Variants in NUFIP2 observed in about 807,000 individuals in gnomAD.
NUFIP2 encodes nuclear FMR1 interacting protein 2, also known as FMR1-interacting protein NUFIP2.
A neutral mutation model predicts 56.9 loss-of-function variants in NUFIP2; 6 were observed. That is an observed-to-expected ratio of 0.11 (90% CI 0.06 to 0.21). The LOEUF (loss-of-function observed/expected upper bound fraction) is 0.21, where lower values mean the gene tolerates loss of function less well. Among genes scored for constraint, NUFIP2 ranks in the 10% least tolerant of loss-of-function variants. The pLI, the probability that NUFIP2 is intolerant of heterozygous loss-of-function variation, is 1.00. For missense variants in NUFIP2, 828 were observed against 826.8 expected, an observed-to-expected ratio of 1.00 and a Z score of -0.02; for synonymous variants, 321 against 298.2, an observed-to-expected ratio of 1.08 and a Z score of -0.79.
At position 29,264,668 on chromosome 17, in the gene NUFIP2, A is replaced by G. The variant is rs999893220; in HGVS notation, c.2036-77T>C. 19 of 971,160 alleles carry G rather than the reference A, an allele frequency of 2.0e-5. No individual in the cohort carries two copies. The African/African-American group carries it at 3.1e-4, about 16-fold the overall frequency. 60.2% of individuals were successfully genotyped at this position (971,160 alleles called of 1,614,324 possible). On this transcript the variant is annotated intron_variant, in intron 3 of 3. Coordinates refer to ENST00000225388, the MANE Select transcript of NUFIP2 (RefSeq NM_020772.3). ...CCGTATTCCAATAACAATCCCAAAT[A>G]ACCATCATTTAAACTGACCAATTTT...
chr17:29,287,835 A>G (rs771340262), intron 1 of NUFIP2, 119 bp from the exon 2 acceptor site: 1 of 1,001,040 alleles, frequency 1.0e-6, no homozygotes, highest in Non-Finnish European at 1.4e-6. Flanking sequence ...CTGTAGCTTT[A>G]TATTATTTCA....
At position 29,256,475 on chromosome 17, in the gene NUFIP2, C is replaced by T. The variant is rs1356962519; in HGVS notation, c.*8064G>A. On this transcript the variant is annotated 3_prime_UTR_variant, in exon 4 of 4. Coordinates refer to ENST00000225388, the MANE Select transcript of NUFIP2 (RefSeq NM_020772.3). ...TTAACTGCCACTATCAATGAAGATA[C>T]ATATAGAAGGGTTTTGCTGTGTCCT... The T allele has an allele frequency of 6.6e-6, 1 of 152,112 alleles. No homozygotes were observed. The highest frequency in any genetic ancestry group is 2.4e-5 in the African/African-American group (1 of 41,418). The allele number at this position is 152,112 out of a possible 1,614,324, so 9.4% of individuals were successfully genotyped here. A position where few individuals can be genotyped will look rare whatever the true frequency, so the allele number is the denominator to read the frequency against.
chr17:29,290,799 C>T (rs543729624), intron 1 of NUFIP2, among the ~76,000 whole-genome samples: 1 of 152,006 alleles, frequency 6.6e-6, no homozygotes, highest in African/African-American at 2.4e-5. Flanking sequence ...AATATGCTAA[C>T]AGGTTAAACA....
Position 29,286,318 on chromosome 17 carries a change from G to C in NUFIP2, c.1676C>G (p.Pro559Arg), listed in dbSNP as rs1314158927. ...CAGCTCGTAAGCCTTGGGAAACACA[G>C]GATGCTCAGTTCCTGAGGGAATTAT... ...AEIIPSGTEH[P>R]VFPKAYELEK... Residue 559 changes from proline to arginine, a missense_variant, in exon 2 of 4, where the codon CCT becomes CGT. Pro to Arg is a moderately radical substitution (Grantham distance 103). Around this residue, in one of 3 missense-constraint regions of NUFIP2, gnomAD observed 404 missense variants for 380.3 expected, o/e 1.06. Coordinates refer to ENST00000225388, the MANE Select transcript of NUFIP2 (RefSeq NM_020772.3). The C allele has an allele frequency of 9.9e-6, 16 of 1,614,000 alleles. No homozygotes were observed. Among genetic ancestry groups the C allele is most frequent in the Non-Finnish European group, 1.4e-5 (16 of 1,180,006 alleles).
intron 2 of NUFIP2, 59 bp downstream of exon 2, chr17:29,285,922 AATTCTCTTAAT>A (rs1356980146): frequency 4.7e-5 from 57 of 1,200,394 alleles, no homozygotes; most frequent in Non-Finnish European, 6.4e-5. Context: ...ATTCTCTTAA[AATTCTCTTAAT>A]ATAAACAATA....
rs113966561 is a variant in NUFIP2 at position 29,284,527 on chromosome 17, G to A, written c.2002+1465C>T. On this transcript the variant is annotated intron_variant, in intron 2 of 3. Coordinates refer to ENST00000225388, the MANE Select transcript of NUFIP2 (RefSeq NM_020772.3). ...TTGAGACCAGCCTGGCCAACACGGT[G>A]AAACCTCATCTCTACTAAAAATATA... is the stretch of plus-strand genomic sequence containing the variant. 5.0e-3 allele frequency among the ~76,000 whole-genome samples: 762 copies of A among 151,830 alleles called. 4 individuals are homozygous for A. The highest frequency in any genetic ancestry group is 0.017 in the African/African-American group (699 of 41,430).
At chr17:29,266,244 G>T (rs1873731348) in intron 3 of NUFIP2, among the ~76,000 whole-genome samples, 1 of 152,126 alleles carries the variant, frequency 6.6e-6, no homozygotes, top group Non-Finnish European at 1.5e-5. Context: ...TGGGATTCCA[G>T]GCGTGAGCCA....
Position 29,259,622 on chromosome 17 carries a change from T to C in NUFIP2, c.*4917A>G, listed in dbSNP as rs944128643. The C allele has an allele frequency of 1.4e-5, 2 of 143,994 alleles. No homozygotes were observed. The highest frequency in any genetic ancestry group is 5.2e-5 in the African/African-American group (2 of 38,628). 8.9% of individuals were successfully genotyped at this position (143,994 alleles called of 1,614,324 possible). On this transcript the variant is annotated 3_prime_UTR_variant, in exon 4 of 4. Coordinates refer to ENST00000225388, the MANE Select transcript of NUFIP2 (RefSeq NM_020772.3). ...GGGGGGATACTGCAGTATTATAAAATGGCTTTAGAACTCTGCACATAACAA... is the reference window on the plus strand; with the variant it reads ...GGGGGGATACTGCAGTATTATAAAACGGCTTTAGAACTCTGCACATAACAA...
intron 3 of NUFIP2, among the ~76,000 whole-genome samples, chr17:29,265,254 C>A (rs2069027755): frequency 6.6e-6 from 1 of 151,638 alleles, no homozygotes; most frequent in African/African-American, 2.4e-5. Context: ...GCTGCATGCT[C>A]CCCTCTTCTG....
intron 2 of NUFIP2, among the ~76,000 whole-genome samples, chr17:29,276,127 T>C (rs1460684827): frequency 1.3e-5 from 2 of 151,800 alleles, no homozygotes; most frequent in Non-Finnish European, 2.9e-5. Flanking sequence ...ACTGTGAAAT[T>C]GAATTTGTGT....
chr17:29,279,791 G>A (rs2069129395), intron 2 of NUFIP2, among the ~76,000 whole-genome samples: 1 of 152,102 alleles, frequency 6.6e-6, no homozygotes, highest in Admixed American at 6.6e-5. Context: ...AGGATTATAG[G>A]CAAGAGCCAC....
intron 3 of NUFIP2, among the ~76,000 whole-genome samples, chr17:29,266,249 G>A (rs1279478485): frequency 1.3e-5 from 2 of 152,120 alleles, no homozygotes; most frequent in Non-Finnish European, 2.9e-5. Flanking sequence ...TTCCAGGCGT[G>A]AGCCACCGTG....
chr17:29,282,647 C>G (rs1479926167), intron 2 of NUFIP2, among the ~76,000 whole-genome samples: 1 of 151,908 alleles, frequency 6.6e-6, no homozygotes, highest in African/African-American at 2.4e-5. Flanking sequence ...ATAACGCACT[C>G]TCTTACCCAC....
At chr17:29,287,830 G>A (rs575892602) in intron 1 of NUFIP2, 114 bp from the exon 2 acceptor site, 2 of 1,027,680 alleles carry the variant, frequency 1.9e-6, no homozygotes, top group East Asian at 5.2e-5. Flanking sequence ...ATGAGCTGTA[G>A]CTTTATATTA....
chr17:29,293,705 T>G, intron 1 of NUFIP2, 78 bp downstream of exon 1: 3 of 1,410,980 alleles, frequency 2.1e-6, no homozygotes, highest in Non-Finnish European at 2.8e-6. Context: ...CGTCCGCGCT[T>G]TTCGGATCCA....
chr17:29,270,340 AAGAT>A (rs1297450865), intron 2 of NUFIP2, among the ~76,000 whole-genome samples: 3 of 151,834 alleles, frequency 2.0e-5, no homozygotes, highest in Non-Finnish European at 4.4e-5. Context: ...AAAAAAAAAA[AAGAT>A]GACGATCGGA....
Position 29,262,200 on chromosome 17 carries a change from G to A in NUFIP2, c.*2339C>T, listed in dbSNP as rs1305653322. 2 of 152,438 alleles carry A rather than the reference G, an allele frequency of 1.3e-5. No homozygotes were observed. Among genetic ancestry groups the A allele is most frequent in the Non-Finnish European group, 2.9e-5 (2 of 67,994 alleles). 9.4% of individuals were successfully genotyped at this position (152,438 alleles called of 1,614,324 possible). ...GTTTCTTGTGAGTTGTGAGACGGAAGAACTTTAAAATTCCAGGCAAGCAAA... is the reference window on the plus strand; with the variant it reads ...GTTTCTTGTGAGTTGTGAGACGGAAAAACTTTAAAATTCCAGGCAAGCAAA... On this transcript the variant is annotated 3_prime_UTR_variant, in exon 4 of 4. Coordinates refer to ENST00000225388, the MANE Select transcript of NUFIP2 (RefSeq NM_020772.3).
At chr17:29,287,848 T>A (rs1337875563) in intron 1 of NUFIP2, 132 bp from the exon 2 acceptor site, 3 of 929,798 alleles carry the variant, frequency 3.2e-6, no homozygotes, top group Non-Finnish European at 4.6e-6. Flanking sequence ...TTATTTCACA[T>A]CTCTATGAGA....
In NUFIP2 at chr17:29,258,912, A is replaced by G. The variant is rs1412516581; in HGVS notation, c.*5627T>C. ...ATTTTCATTCTTAAAATGCAACAAT[A>G]TCTAATGAAATGTATTCAAGATCAT... On this transcript the variant is annotated 3_prime_UTR_variant, in exon 4 of 4. Transcript: ENST00000225388. 6.6e-6 allele frequency: 1 copy of G among 152,214 alleles called. No homozygotes were observed. The highest frequency in any genetic ancestry group is 1.5e-5 in the Non-Finnish European group (1 of 68,036). 9.4% of individuals were successfully genotyped at this position (152,214 alleles called of 1,614,324 possible).
Sources: allele counts gnomAD v4.1 joint callset (sites outside exome capture counted in the v4.1 genomes callset), GRCh38; gene constraint gnomAD v4.1.1; regional missense constraint gnomAD v4.1.1; transcripts MANE v1.5; gene names NCBI Gene and HGNC (gene_info 2026-07-23, HGNC 2026-07-21).